The following ADAMTS6 variants were observed in gnomAD, a reference collection of about 807,000 sequenced individuals.
ADAMTS6 encodes ADAM metallopeptidase with thrombospondin type 1 motif 6.
In ADAMTS6, 23 loss-of-function variants were observed where a neutral mutation model predicts 144.3. That is an observed-to-expected ratio of 0.16 (90% CI 0.11 to 0.23). The LOEUF is 0.23. Ranked by LOEUF, ADAMTS6 falls within the 10% of genes least tolerant of loss-of-function variation. ADAMTS6 has a pLI of 1.00. For missense variants in ADAMTS6, 999 were observed against 1,379.6 expected, an observed-to-expected ratio of 0.72 and a Z score of 4.37; for synonymous variants, 444 against 457.5, an observed-to-expected ratio of 0.97 and a Z score of 0.38.
chr5:65,434,331 G>A (rs548545096), intron 7 of ADAMTS6, among the ~76,000 whole-genome samples: 18 of 152,108 alleles, frequency 1.2e-4, no homozygotes, highest in Admixed American at 2.6e-4. Context: ...TGATGGTTGC[G>A]CAAGTCTATG....
chr5:65,203,999 A>G (rs1755913259), intron 20 of ADAMTS6, among the ~76,000 whole-genome samples: 1 of 152,214 alleles, frequency 6.6e-6, no homozygotes, highest in Admixed American at 6.5e-5. Context: ...AGGGAAGAAT[A>G]TAATCACTAA....
At chr5:65,345,085 G>A (rs2640717) in intron 7 of ADAMTS6, among the ~76,000 whole-genome samples, 45,974 of 151,484 alleles carry the variant, frequency 0.3, 8,767 homozygotes, top group East Asian at 0.57. Flanking sequence ...GCTCTCGATT[G>A]TATCCCAGCA....
intron 7 of ADAMTS6, among the ~76,000 whole-genome samples, chr5:65,349,055 T>G (rs1580459310): frequency 6.6e-6 from 1 of 152,278 alleles, no homozygotes; most frequent in East Asian, 1.9e-4. Context: ...AACAGCTCTT[T>G]GCCTTAAAAT....
intron 7 of ADAMTS6, among the ~76,000 whole-genome samples, chr5:65,334,292 T>C (rs1414994807): frequency 1.3e-5 from 2 of 152,170 alleles, no homozygotes; most frequent in Non-Finnish European, 2.9e-5. Flanking sequence ...TGCAAGCCAA[T>C]AGAACACCTG....
intron 11 of ADAMTS6, 127 bp downstream of exon 11, chr5:65,291,202 G>T: frequency 8.6e-7 from 1 of 1,159,586 alleles, no homozygotes; most frequent in Non-Finnish European, 1.2e-6. Context: ...AAACTGCAGT[G>T]TCAAAAGCCA....
At chr5:65,316,773 T>C (rs1745042032) in intron 9 of ADAMTS6, among the ~76,000 whole-genome samples, 1 of 151,964 alleles carries the variant, frequency 6.6e-6, no homozygotes. Context: ...TTTATAATGA[T>C]AAAGAGGTTG....
intron 20 of ADAMTS6, among the ~76,000 whole-genome samples, chr5:65,199,868 C>T (rs1755623197): frequency 6.6e-6 from 1 of 152,082 alleles, no homozygotes. Context: ...TCATGCCTTC[C>T]TTCCATACTT....
intron 7 of ADAMTS6, among the ~76,000 whole-genome samples, chr5:65,337,613 G>A (rs1747425673): frequency 6.6e-6 from 1 of 151,836 alleles, no homozygotes; most frequent in African/African-American, 2.4e-5. Flanking sequence ...TCAGTTCCTC[G>A]ATATAACTCT....
intron 3 of ADAMTS6, among the ~76,000 whole-genome samples, chr5:65,462,034 G>A (rs1014048230): frequency 6.6e-6 from 1 of 152,142 alleles, no homozygotes; most frequent in Non-Finnish European, 1.5e-5. Flanking sequence ...AAAAAAAGCA[G>A]CCCTGAGTCA....
At chr5:65,339,583 T>A (rs1370233455) in intron 7 of ADAMTS6, among the ~76,000 whole-genome samples, 1 of 151,048 alleles carries the variant, frequency 6.6e-6, no homozygotes, top group East Asian at 1.9e-4. Flanking sequence ...AAGTGAGATA[T>A]AATATAGATA....
At chr5:65,310,346 T>G in intron 9 of ADAMTS6, among the ~76,000 whole-genome samples, 1 of 152,082 alleles carries the variant, frequency 6.6e-6, no homozygotes, top group Non-Finnish European at 1.5e-5. Flanking sequence ...AGCAACAAAG[T>G]GAGACCCTGT....
intron 10 of ADAMTS6, among the ~76,000 whole-genome samples, chr5:65,294,205 G>A (rs1285720829): frequency 2.0e-5 from 3 of 152,118 alleles, no homozygotes; most frequent in African/African-American, 7.2e-5. Context: ...GGATGGGATA[G>A]TTTTCCTGTT....
intron 1 of ADAMTS6, among the ~76,000 whole-genome samples, chr5:65,480,634 G>A (rs1166437069): frequency 6.6e-6 from 1 of 152,124 alleles, no homozygotes; most frequent in Non-Finnish European, 1.5e-5. Context: ...ATCAGAAAGA[G>A]GCTTCCCAAT....
chr5:65,435,313 AG>A (rs972247922), intron 7 of ADAMTS6, among the ~76,000 whole-genome samples: 2 of 152,198 alleles, frequency 1.3e-5, no homozygotes, highest in Non-Finnish European at 2.9e-5. Context: ...GCAAGGAATT[AG>A]GGGGAAAATG....
intron 24 of ADAMTS6, among the ~76,000 whole-genome samples, chr5:65,164,624 T>G (rs1753035097): frequency 1.3e-5 from 2 of 150,204 alleles, no homozygotes; most frequent in African/African-American, 4.9e-5. Flanking sequence ...CAGACTTAAA[T>G]GTCCCTGTCT....
intron 11 of ADAMTS6, among the ~76,000 whole-genome samples, chr5:65,289,016 A>C (rs188755673): frequency 6.6e-6 from 1 of 152,368 alleles, no homozygotes. Flanking sequence ...TTATGACTCA[A>C]TACACTTTGT....
intron 24 of ADAMTS6, among the ~76,000 whole-genome samples, chr5:65,156,344 C>A (rs562931703): frequency 2.0e-5 from 3 of 151,224 alleles, no homozygotes; most frequent in East Asian, 3.9e-4. Flanking sequence ...AAACAAAAAA[C>A]CAAAAAAACA....
intron 15 of ADAMTS6, among the ~76,000 whole-genome samples, chr5:65,233,602 G>C (rs1326311138): frequency 1.3e-5 from 2 of 151,540 alleles, no homozygotes; most frequent in Non-Finnish European, 2.9e-5. Flanking sequence ...AAAATACTTA[G>C]GTATAACACT....
chr5:65,170,824 G>A (rs1197566840), intron 23 of ADAMTS6, 51 bp from the exon 24 acceptor site: 2 of 1,570,438 alleles, frequency 1.3e-6, no homozygotes, highest in East Asian at 2.3e-5. Context: ...CAATTTTCAG[G>A]AGGTAAAAAA....
Sources: gnomAD v4.1 joint callset for allele counts (sites outside exome capture counted in the v4.1 genomes callset) on GRCh38, gnomAD v4.1.1 for gene constraint, MANE v1.5 for transcripts, NCBI Gene and HGNC (gene_info 2026-07-23, HGNC 2026-07-21) for gene names.